Variants in MSI2 observed in about 807,000 individuals in gnomAD.
The protein encoded by MSI2 is RNA-binding protein Musashi homolog 2.
MSI2 carries 17 observed loss-of-function variants against 45.6 expected under a neutral mutation model. The ratio of observed to expected loss-of-function variants is 0.37; its 90% CI spans 0.26 to 0.56. The LOEUF (loss-of-function observed/expected upper bound fraction) is 0.56. MSI2 is among the 20% of genes least tolerant of loss of function. The pLI is 0.77. For missense variants in MSI2, 293 were observed against 444.2 expected (o/e 0.66, Z 3.06); for synonymous variants, 156 against 158.2 (o/e 0.99, Z 0.11).
intron 7 of MSI2, among the ~76,000 whole-genome samples, chr17:57,591,237 C>T (rs1598429324): frequency 6.6e-6 from 1 of 152,164 alleles, no homozygotes; most frequent in African/African-American, 2.4e-5. Flanking sequence ...GTGGGGCCCT[C>T]TTCTAGGGCA....
chr17:57,369,504 T>C (rs1433037923), intron 5 of MSI2, among the ~76,000 whole-genome samples: 1 of 152,198 alleles, frequency 6.6e-6, no homozygotes, highest in Non-Finnish European at 1.5e-5. Flanking sequence ...GACCCTCCTG[T>C]TGATGAATAA....
chr17:57,319,239 A>G (rs2072419464), intron 5 of MSI2, among the ~76,000 whole-genome samples: 1 of 152,118 alleles, frequency 6.6e-6, no homozygotes, highest in Non-Finnish European at 1.5e-5. Flanking sequence ...GCTTGTTAGC[A>G]TTTTCTAGGG....
intron 5 of MSI2, among the ~76,000 whole-genome samples, chr17:57,375,860 A>T (rs2083486715): frequency 6.6e-6 from 1 of 152,154 alleles, no homozygotes; most frequent in Non-Finnish European, 1.5e-5. Flanking sequence ...CCTTACAGGT[A>T]GATGTCTGTT....
chr17:57,654,293 C>T (rs1327844305), intron 11 of MSI2, among the ~76,000 whole-genome samples: 3 of 152,212 alleles, frequency 2.0e-5, no homozygotes, highest in Non-Finnish European at 4.4e-5. Flanking sequence ...AAGACACTTG[C>T]CTGTGTGTAG....
At chr17:57,302,989 T>G (rs1911542574) in intron 5 of MSI2, among the ~76,000 whole-genome samples, 1 of 151,962 alleles carries the variant, frequency 6.6e-6, no homozygotes, top group Non-Finnish European at 1.5e-5. Flanking sequence ...AGCAACACAC[T>G]TTTCATAGGG....
chr17:57,631,601 C>G (rs1197459308), intron 10 of MSI2: 1 of 574,882 alleles, frequency 1.7e-6, no homozygotes, highest in Non-Finnish European at 3.0e-6. Context: ...GGGTGGTGAC[C>G]AACCACTCTG....
chr17:57,276,995 T>C (rs1203206480), intron 5 of MSI2, among the ~76,000 whole-genome samples: 1 of 151,664 alleles, frequency 6.6e-6, no homozygotes, highest in Non-Finnish European at 1.5e-5. Flanking sequence ...TCTCCTTGGG[T>C]TGTATCATGT....
chr17:57,476,896 A>AC (rs1173704055), intron 6 of MSI2, among the ~76,000 whole-genome samples: 5 of 152,004 alleles, frequency 3.3e-5, no homozygotes, highest in African/African-American at 1.2e-4. Context: ...CCATGCCCCA[A>AC]CCCATCTAGA....
chr17:57,531,147 C>T (rs2086813587), intron 7 of MSI2, among the ~76,000 whole-genome samples: 1 of 152,158 alleles, frequency 6.6e-6, no homozygotes, highest in African/African-American at 2.4e-5. Flanking sequence ...CACATTCTGT[C>T]AATCTAGCTT....
intron 11 of MSI2, among the ~76,000 whole-genome samples, chr17:57,670,508 G>A (rs1233931910): frequency 6.6e-6 from 1 of 152,208 alleles, no homozygotes; most frequent in Non-Finnish European, 1.5e-5. Flanking sequence ...GCTTTCCTAG[G>A]TCAGCCATCA....
At chr17:57,310,335 ATT>A (rs571801845) in intron 5 of MSI2, among the ~76,000 whole-genome samples, 2 of 141,412 alleles carry the variant, frequency 1.4e-5, no homozygotes, top group African/African-American at 2.6e-5. Context: ...AGGTTGTGTT[ATT>A]TTTTTTTTTT....
chr17:57,499,602 C>T (rs997825997), intron 6 of MSI2, among the ~76,000 whole-genome samples: 4 of 152,072 alleles, frequency 2.6e-5, no homozygotes, highest in Non-Finnish European at 5.9e-5. Context: ...AACAAATCAC[C>T]CAAAAACTTG....
At chr17:57,661,884 C>T (rs1010387463) in intron 11 of MSI2, among the ~76,000 whole-genome samples, 6 of 152,166 alleles carry the variant, frequency 3.9e-5, no homozygotes, top group Non-Finnish European at 5.9e-5. Flanking sequence ...CTGGGGCACC[C>T]CCTCCTTTGC....
At chr17:57,560,308 G>A (rs1455140026) in intron 7 of MSI2, among the ~76,000 whole-genome samples, 1 of 152,044 alleles carries the variant, frequency 6.6e-6, no homozygotes, top group Admixed American at 6.5e-5. Flanking sequence ...GAGTTTGGAG[G>A]CGCTAAGCCC....
intron 7 of MSI2, among the ~76,000 whole-genome samples, chr17:57,556,770 A>G (rs2087445388): frequency 6.6e-6 from 1 of 152,240 alleles, no homozygotes; most frequent in African/African-American, 2.4e-5. Context: ...AATATCTTTA[A>G]GGTAAAACCA....
chr17:57,621,346 A>G (rs1908276160), intron 9 of MSI2, among the ~76,000 whole-genome samples: 1 of 152,266 alleles, frequency 6.6e-6, no homozygotes, highest in South Asian at 2.1e-4. Context: ...TCCATGATTT[A>G]AACTTTTATT....
At chr17:57,332,318 C>T (rs1470886494) in intron 5 of MSI2, among the ~76,000 whole-genome samples, 1 of 152,142 alleles carries the variant, frequency 6.6e-6, no homozygotes, top group African/African-American at 2.4e-5. Context: ...CCAGGCTGGT[C>T]TTGAACTCCT....
At chr17:57,576,111 G>T (rs1007933950) in intron 7 of MSI2, among the ~76,000 whole-genome samples, 4 of 152,186 alleles carry the variant, frequency 2.6e-5, no homozygotes, top group Non-Finnish European at 5.9e-5. Flanking sequence ...ACTGTGGGAA[G>T]GCCATCCTTT....
In MSI2 at chr17:57,682,016, G is replaced by T. The variant is rs147694183; in HGVS notation, c.*2499G>T. 4.8e-6 allele frequency: 1 copy of T among 208,960 alleles called. No individual in the cohort carries two copies. Among genetic ancestry groups the T allele is most frequent in the Non-Finnish European group, 9.7e-6 (1 of 102,964 alleles). The allele number at this position is 208,960 out of a possible 1,614,324, so 12.9% of individuals were successfully genotyped here. A position where few individuals can be genotyped will look rare whatever the true frequency, so the allele number is the denominator to read the frequency against. On this transcript the variant is annotated 3_prime_UTR_variant, in exon 14 of 14. Coordinates refer to ENST00000284073, the MANE Select transcript of MSI2 (RefSeq NM_138962.4). Reference sequence around the variant, plus strand: ...TGTATAAAATGGCTATCTTGTAAGCGTGCTGTCCTGGTACTAGTGTAGCGA... The same window carrying T: ...TGTATAAAATGGCTATCTTGTAAGCTTGCTGTCCTGGTACTAGTGTAGCGA...
Sources: allele counts gnomAD v4.1 joint callset (sites outside exome capture counted in the v4.1 genomes callset), GRCh38; gene constraint gnomAD v4.1.1; transcripts MANE v1.5; gene names NCBI Gene and HGNC (gene_info 2026-07-23, HGNC 2026-07-21).